Variants in PROM1 observed in about 807,000 individuals in gnomAD.
The protein encoded by PROM1 is prominin-1.
In PROM1, 105 loss-of-function variants were observed where a neutral mutation model predicts 116.9. That is an observed-to-expected ratio of 0.90 (90% CI 0.77 to 1.06). The LOEUF (loss-of-function observed/expected upper bound fraction) is 1.06, where lower values mean the gene tolerates loss of function less well. PROM1 is among the 50% of genes least tolerant of loss of function. The pLI, the probability that PROM1 is intolerant of heterozygous loss-of-function variation, is 0.00. For synonymous variants in PROM1, 393 were observed against 387.0 expected (o/e 1.02, Z -0.18); for missense variants, 1,122 against 1,045.2 (o/e 1.07, Z -1.01).
At chr4:16,027,599 C>T (rs1731645818) in intron 5 of PROM1, among the ~76,000 whole-genome samples, 2 of 152,138 alleles carry the variant, frequency 1.3e-5, no homozygotes, top group South Asian at 2.1e-4. Flanking sequence ...GAAGAACCTC[C>T]TTGCCTTGAA....
At position 16,010,214 on chromosome 4, in the gene PROM1, C is replaced by G. The variant is rs539533784; in HGVS notation, c.1142-1106G>C. Among the ~76,000 whole-genome samples, 15 of 152,280 alleles carry G rather than the reference C, an allele frequency of 9.9e-5. No homozygotes were observed. The South Asian group carries it at 3.1e-3, about 32-fold the overall frequency. The stretch of plus-strand genomic sequence containing the variant: ...AACCAGTTTTCTGGAGAGTGTCCAT[C>G]ACAACAGGTCCTAAAATCAACTAAC... On this transcript the variant is annotated intron_variant, in intron 11 of 27. Transcript: ENST00000447510.
At position 15,980,491 on chromosome 4, in the gene PROM1, G is replaced by A. The variant is rs564113318; in HGVS notation, c.2420C>T (p.Pro807Leu). The change falls in exon 24 of 28, where the codon CCG becomes CTG. Residue 807 changes from proline (P) to leucine (L), a missense_variant. Physicochemically the swap from Pro to Leu is moderately conservative, Grantham distance 98. Transcript: ENST00000447510. The part of the protein sequence containing the change: ...GIGKATVFLL[P>L]ALIFAVKLAK... ...CAGTTTTACCGCAAAAATTAGAGCC[G>A]GAAGTAAAAATACAGTAGCTTTTCC... The A allele has an allele frequency of 1.0e-5, 16 of 1,555,304 alleles. No individual in the cohort carries two copies. Among genetic ancestry groups the A allele is most frequent in the African/African-American group, 6.8e-5 (5 of 73,210 alleles).
Position 15,984,566 on chromosome 4 carries a change from C to T in PROM1, c.2281-211G>A, listed in dbSNP as rs147268252. 3.9e-3 allele frequency among the ~76,000 whole-genome samples: 601 copies of T among 152,304 alleles called. 4 individuals are homozygous for T. Among genetic ancestry groups the T allele is most frequent in the African/African-American group, 9.3e-3 (387 of 41,564 alleles). The stretch of plus-strand genomic sequence containing the variant: ...GGGCTCCACAGCAGGAAGTGAGGGG[C>T]GGGTGAGCAAGCAAAGCTTCACCTG... On this transcript the variant is annotated intron_variant, in intron 22 of 27. Coordinates refer to ENST00000447510, the MANE Select transcript of PROM1 (RefSeq NM_006017.3).
chr4:15,985,135 T>A (rs1719001130), intron 22 of PROM1, among the ~76,000 whole-genome samples: 2 of 152,214 alleles, frequency 1.3e-5, no homozygotes, highest in Non-Finnish European at 2.9e-5. Context: ...GTACAGACTT[T>A]TTTTAATACA....
chr4:16,025,331 A>G lies in PROM1; in HGVS notation c.510-19T>C. ...GCCAATGCTGCAGGAAAAGGCAGAG[A>G]GAAGAAAGAGCATTTACTGTGTGGT... On this transcript the variant is annotated intron_variant, in intron 5 of 27. Transcript: ENST00000447510. 4 of 1,613,088 alleles carry G rather than the reference A, an allele frequency of 2.5e-6. No individual in the cohort carries two copies. The highest frequency in any genetic ancestry group is 3.4e-6 in the Non-Finnish European group (4 of 1,179,264).
chr4:16,082,095 G>A (rs1327081739), intron 1 of PROM1: 1 of 152,134 alleles, frequency 6.6e-6, no homozygotes, highest in Non-Finnish European at 1.5e-5. Context: ...CGATCTAATA[G>A]GTAAAGCACC....
chr4:16,056,004 G>A (rs1316144487), intron 2 of PROM1, among the ~76,000 whole-genome samples: 6 of 152,148 alleles, frequency 3.9e-5, no homozygotes, highest in Admixed American at 2.6e-4. Context: ...TGAAGAGTAA[G>A]GTCTCTAGCT....
intron 1 of PROM1, chr4:16,079,528 G>A (rs1744602919): frequency 6.6e-6 from 1 of 152,112 alleles, no homozygotes; most frequent in African/African-American, 2.4e-5. Context: ...GGGTTTAATA[G>A]GTTGTGCCAA....
At chr4:16,050,856 T>C (rs2149469069) in intron 2 of PROM1, among the ~76,000 whole-genome samples, 1 of 152,368 alleles carries the variant, frequency 6.6e-6, no homozygotes, top group Non-Finnish European at 1.5e-5. Flanking sequence ...GGTCAGACTA[T>C]ATTCCCAAAA....
At chr4:16,009,798 G>T (rs992295995) in intron 11 of PROM1, among the ~76,000 whole-genome samples, 1 of 151,878 alleles carries the variant, frequency 6.6e-6, no homozygotes, top group Non-Finnish European at 1.5e-5. Flanking sequence ...AAATTACCCA[G>T]CTGTGGTGGC....
At chr4:16,041,765 AATAAATAAATAAATAAATAAATATAT>A (rs1445929122) in intron 2 of PROM1, among the ~76,000 whole-genome samples, 1 of 106,998 alleles carries the variant, frequency 9.3e-6, no homozygotes, top group Non-Finnish European at 1.8e-5. Flanking sequence ...TAAATAAATA[AATAAATAAATAAATAAATAAATATAT>A]ATATATATAT....
At chr4:16,074,878 A>G (rs1743612514) in intron 2 of PROM1, among the ~76,000 whole-genome samples, 1 of 152,240 alleles carries the variant, frequency 6.6e-6, no homozygotes, top group African/African-American at 2.4e-5. Context: ...AAGAAAGATT[A>G]CAGCGAATTC....
At chr4:16,021,677 A>G (rs1729926982) in intron 8 of PROM1, among the ~76,000 whole-genome samples, 1 of 152,118 alleles carries the variant, frequency 6.6e-6, no homozygotes, top group African/African-American at 2.4e-5. Flanking sequence ...CAGATTTCCA[A>G]TTCTCCCTCC....
At chr4:16,076,155 C>T (rs1384097019) in intron 1 of PROM1, 37 bp from the exon 2 acceptor site, 8 of 646,076 alleles carry the variant, frequency 1.2e-5, no homozygotes, top group Admixed American at 3.3e-5. Flanking sequence ...GTCATCAATG[C>T]GTGTAAACTG....
At chr4:15,990,388 G>C (rs543616245) in intron 18 of PROM1, among the ~76,000 whole-genome samples, 3 of 152,314 alleles carry the variant, frequency 2.0e-5, no homozygotes, top group African/African-American at 7.2e-5. Context: ...TCACCAACCA[G>C]CAGAGGAGTT....
intron 11 of PROM1, among the ~76,000 whole-genome samples, chr4:16,012,036 G>A (rs1346060086): frequency 6.6e-6 from 1 of 151,712 alleles, no homozygotes; most frequent in African/African-American, 2.4e-5. Context: ...AGAGAGAGTC[G>A]CCCAGGCTGG....
intron 10 of PROM1, 77 bp downstream of exon 10, chr4:16,016,089 T>C: frequency 3.2e-6 from 4 of 1,268,822 alleles, no homozygotes; most frequent in South Asian, 1.4e-5. Context: ...TTTTTTGCTA[T>C]TTCCTATTTT....
chr4:16,016,740 G>A (rs2677788), intron 9 of PROM1, among the ~76,000 whole-genome samples: 19,622 of 152,160 alleles, frequency 0.13, 1,423 homozygotes, highest in African/African-American at 0.17. Flanking sequence ...TACTGTGATA[G>A]TTCCCTGGCA....
rs767318720 is a variant in PROM1, at chr4:15,985,970, G to A, written c.2198C>T (p.Ser733Phe). Residue 733 changes from serine to phenylalanine, a missense_variant, in exon 21 of 28, where the codon TCT becomes TTT. Physicochemically the swap from Ser to Phe is radical, Grantham distance 155. Coordinates refer to ENST00000447510, the MANE Select transcript of PROM1 (RefSeq NM_006017.3). ...AAGAAGGCTCACCTCAATAATAACAGAGGAAGTATTGTTTGTGATGAAGTT... is the reference window on the plus strand; with the variant it reads ...AAGAAGGCTCACCTCAATAATAACAAAGGAAGTATTGTTTGTGATGAAGTT... ...AQNFITNNTS[S>F]VIIEETKKYG... 4 of 1,155,926 alleles carry A rather than the reference G, an allele frequency of 3.5e-6. No homozygotes were observed. Among genetic ancestry groups the A allele is most frequent in the Non-Finnish European group, 4.4e-6 (4 of 903,080 alleles). 71.6% of individuals were successfully genotyped at this position (1,155,926 alleles called of 1,614,324 possible). A position where few individuals can be genotyped will look rare whatever the true frequency, so the allele number is the denominator to read the frequency against.
Sources: allele counts gnomAD v4.1 joint callset (sites outside exome capture counted in the v4.1 genomes callset), GRCh38; gene constraint gnomAD v4.1.1; transcripts MANE v1.5; gene names NCBI Gene and HGNC (gene_info 2026-07-23, HGNC 2026-07-21).